The following SCN9A variants were observed in gnomAD, a reference collection of about 807,000 sequenced individuals.
SCN9A encodes sodium voltage-gated channel alpha subunit 9.
Under a neutral mutation model 187.0 loss-of-function variants are expected in SCN9A, and 131 were observed. The observed-to-expected ratio is 0.70, with a 90% confidence interval of 0.61 to 0.81. The LOEUF (loss-of-function observed/expected upper bound fraction) is 0.81, where lower values mean the gene tolerates loss of function less well. SCN9A is among the 30% of genes least tolerant of loss of function. SCN9A has a pLI of 0.00. For missense variants in SCN9A, 2,252 were observed against 2,396.6 expected, an observed-to-expected ratio of 0.94 and a Z score of 1.26; for synonymous variants, 809 against 808.6, an observed-to-expected ratio of 1.00 and a Z score of -0.01.
chr2:166,328,430 G>A (rs1295341145), intron 1 of SCN9A, among the ~76,000 whole-genome samples: 7 of 151,866 alleles, frequency 4.6e-5, no homozygotes, highest in Non-Finnish European at 1.0e-4. Flanking sequence ...GTATTTGAAA[G>A]GTTCCAGTGT....
At chr2:166,221,296 T>TAA (rs532772965) in intron 24 of SCN9A, among the ~76,000 whole-genome samples, 1 of 151,850 alleles carries the variant, frequency 6.6e-6, no homozygotes, top group African/African-American at 2.4e-5. Flanking sequence ...TTTACTAAAA[T>TAA]AAAAAAAGAT....
chr2:166,281,146 C>G (rs905046840), intron 13 of SCN9A, among the ~76,000 whole-genome samples: 12 of 152,068 alleles, frequency 7.9e-5, no homozygotes, highest in Admixed American at 1.3e-4. Context: ...ACTTTGCCCC[C>G]ACAATGGGAA....
chr2:166,228,080 T>C (rs1344678079), intron 22 of SCN9A, among the ~76,000 whole-genome samples: 3 of 152,030 alleles, frequency 2.0e-5, no homozygotes, highest in Non-Finnish European at 4.4e-5. Flanking sequence ...CATCCCTTCA[T>C]AGTGTGAAGC....
At chr2:166,244,507 A>T (rs1474375598) in intron 18 of SCN9A, among the ~76,000 whole-genome samples, 5 of 152,090 alleles carry the variant, frequency 3.3e-5, no homozygotes, top group Non-Finnish European at 5.9e-5. Context: ...AAATACTAAG[A>T]CATATCACTT....
chr2:166,305,540 T>G (rs563235099), intron 5 of SCN9A, among the ~76,000 whole-genome samples: 21 of 152,260 alleles, frequency 1.4e-4, no homozygotes, highest in African/African-American at 5.1e-4. Flanking sequence ...GCATAGACTA[T>G]CCATCCAAGT....
intron 10 of SCN9A, among the ~76,000 whole-genome samples, chr2:166,288,120 T>TATATACACATAC (rs56738765): frequency 7.4e-6 from 1 of 135,562 alleles, no homozygotes; most frequent in Non-Finnish European, 1.6e-5. Context: ...TATATATATA[T>TATATACACATAC]ACACACACAT....
At chr2:166,336,697 C>T (rs911430512) in intron 1 of SCN9A, among the ~76,000 whole-genome samples, 1 of 152,040 alleles carries the variant, frequency 6.6e-6, no homozygotes, top group Non-Finnish European at 1.5e-5. Context: ...AGTTCTATAT[C>T]TTCTGAGAGG....
At chr2:166,314,130 C>T (rs1574916550) in intron 1 of SCN9A, among the ~76,000 whole-genome samples, 3 of 152,080 alleles carry the variant, frequency 2.0e-5, no homozygotes, top group African/African-American at 7.2e-5. Flanking sequence ...TAAATAATGG[C>T]AATTACAAAG....
chr2:166,320,763 A>G (rs1222185661), intron 1 of SCN9A, among the ~76,000 whole-genome samples: 2 of 152,164 alleles, frequency 1.3e-5, no homozygotes, highest in African/African-American at 4.8e-5. Flanking sequence ...CCAAAATACT[A>G]CTGTTTTAAA....
chr2:166,297,797 G>C (rs1698382413), intron 7 of SCN9A, among the ~76,000 whole-genome samples: 1 of 151,968 alleles, frequency 6.6e-6, no homozygotes, highest in Non-Finnish European at 1.5e-5. Context: ...TTTTTAAAAG[G>C]GAATGCAGCA....
rs145901557 is a variant in SCN9A at position 166,292,470 on chromosome 2, C to T, written c.1107+761G>A. On this transcript the variant is annotated intron_variant, in intron 9 of 26. Coordinates refer to ENST00000642356, the MANE Select transcript of SCN9A (RefSeq NM_001365536.1). ...TGTAAAGTGCATCTTACATAATTTC[C>T]GAATTCATTTATAATATTCTCGGAA... Among the ~76,000 whole-genome samples the T allele has an allele frequency of 4.6e-3, 698 of 150,970 alleles. 3 individuals carry two copies. The highest frequency in any genetic ancestry group is 0.021 in the Middle Eastern group (6 of 292).
intron 1 of SCN9A, among the ~76,000 whole-genome samples, chr2:166,323,524 A>G (rs1699293125): frequency 6.6e-6 from 1 of 152,172 alleles, no homozygotes; most frequent in Non-Finnish European, 1.5e-5. Context: ...AAAATCACTG[A>G]AGTAAACACC....
At chr2:166,275,398 A>T (rs1697186928) in intron 16 of SCN9A, among the ~76,000 whole-genome samples, 1 of 152,190 alleles carries the variant, frequency 6.6e-6, no homozygotes, top group Admixed American at 6.5e-5. Context: ...CAGCCTGGCC[A>T]ACATGACGAA....
intron 21 of SCN9A, among the ~76,000 whole-genome samples, chr2:166,230,346 C>G (rs1396492065): frequency 6.6e-6 from 1 of 152,122 alleles, no homozygotes; most frequent in Non-Finnish European, 1.5e-5. Context: ...TCATCAGATT[C>G]TTACAGTCTA....
At chr2:166,359,453 A>T (rs1384983203) in intron 1 of SCN9A, among the ~76,000 whole-genome samples, 2 of 152,172 alleles carry the variant, frequency 1.3e-5, no homozygotes, top group East Asian at 3.8e-4. Context: ...GTATCAATAT[A>T]TATGAAATCA....
intron 1 of SCN9A, among the ~76,000 whole-genome samples, chr2:166,370,991 A>C (rs563953797): frequency 6.6e-6 from 1 of 152,364 alleles, no homozygotes; most frequent in South Asian, 2.1e-4. Flanking sequence ...GACATTTTAA[A>C]GAAATTTATG....
chr2:166,245,906 T>C (rs767697271), intron 18 of SCN9A, among the ~76,000 whole-genome samples: 1 of 152,012 alleles, frequency 6.6e-6, no homozygotes, highest in Non-Finnish European at 1.5e-5. Flanking sequence ...GTAGAAAATG[T>C]TTTGTAATGA....
intron 1 of SCN9A, among the ~76,000 whole-genome samples, chr2:166,364,411 A>G (rs973020754): frequency 6.6e-5 from 10 of 152,212 alleles, no homozygotes; most frequent in African/African-American, 2.4e-4. Flanking sequence ...ACAGTAGCCA[A>G]AAAGTGAAAA....
At chr2:166,252,415 T>A (rs558018103) in intron 17 of SCN9A, among the ~76,000 whole-genome samples, 22 of 152,062 alleles carry the variant, frequency 1.4e-4, no homozygotes, top group African/African-American at 5.3e-4. Flanking sequence ...TTATTATCTC[T>A]TGAATTTAAA....
Sources: gnomAD v4.1 joint callset for allele counts (sites outside exome capture counted in the v4.1 genomes callset) on GRCh38, gnomAD v4.1.1 for gene constraint, MANE v1.5 for transcripts, NCBI Gene and HGNC (gene_info 2026-07-23, HGNC 2026-07-21) for gene names.